SLC2A9: variants seen among roughly 807,000 people sequenced by gnomAD.
The protein encoded by SLC2A9 is solute carrier family 2, facilitated glucose transporter member 9.
SLC2A9 carries 39 observed loss-of-function variants against 50.6 expected under a neutral mutation model. The ratio of observed to expected loss-of-function variants is 0.77; its 90% confidence interval spans 0.60 to 1.01. SLC2A9 has a LOEUF of 1.01. Among genes scored for constraint, SLC2A9 ranks in the 50% least tolerant of loss-of-function variants. The pLI is 0.00. For synonymous variants in SLC2A9, 324 were observed against 276.9 expected, an observed-to-expected ratio of 1.17 and a Z score of -1.69; for missense variants, 686 against 677.6, an observed-to-expected ratio of 1.01 and a Z score of -0.14.
intron 10 of SLC2A9, among the ~76,000 whole-genome samples, chr4:9,867,460 G>A (rs973672333): frequency 6.6e-6 from 1 of 152,156 alleles, no homozygotes; most frequent in Non-Finnish European, 1.5e-5. Flanking sequence ...TCCATGCTTG[G>A]CCCATAATAA....
chr4:9,805,010 T>C (rs1175704221), intron 3 of SLC2A9, among the ~76,000 whole-genome samples: 1 of 152,166 alleles, frequency 6.6e-6, no homozygotes, highest in Non-Finnish European at 1.5e-5. Flanking sequence ...AGGGGAAATG[T>C]GGCCCCTGAA....
chr4:9,783,038 A>G (rs768720947), intron 3 of SLC2A9: 2 of 1,614,222 alleles, frequency 1.2e-6, no homozygotes, highest in South Asian at 1.1e-5. Context: ...CCCCTGCGTC[A>G]GTGAGACCAC....
chr4:9,913,200 A>G (rs1038600993), intron 7 of SLC2A9, among the ~76,000 whole-genome samples: 3 of 152,234 alleles, frequency 2.0e-5, no homozygotes, highest in Admixed American at 2.0e-4. Context: ...CCTTCAACAA[A>G]ATAATAGCTA....
intron 2 of SLC2A9, among the ~76,000 whole-genome samples, chr4:10,003,840 C>G (rs200934922): frequency 6.6e-6 from 1 of 152,186 alleles, no homozygotes; most frequent in East Asian, 1.9e-4. Context: ...ACAGGTAACC[C>G]ACACATCATA....
chr4:9,773,122 C>A (rs1257906925), intron 1 of SLC2A9, among the ~76,000 whole-genome samples: 1 of 152,182 alleles, frequency 6.6e-6, no homozygotes, highest in Non-Finnish European at 1.5e-5. Context: ...CTGCCAGAAA[C>A]CTCCTTGCTC....
chr4:10,030,286 A>C (rs1286767322), intron 1 of SLC2A9, among the ~76,000 whole-genome samples: 1 of 152,224 alleles, frequency 6.6e-6, no homozygotes, highest in Non-Finnish European at 1.5e-5. Context: ...TCTATGTTGC[A>C]TCTATATACC....
chr4:9,856,730 T>C (rs551363148), intron 10 of SLC2A9, among the ~76,000 whole-genome samples: 2 of 152,304 alleles, frequency 1.3e-5, no homozygotes, highest in African/African-American at 4.8e-5. Context: ...CCATTAACAG[T>C]AGACTGGATA....
chr4:9,837,132 C>T (rs191475275), intron 10 of SLC2A9, among the ~76,000 whole-genome samples: 84 of 152,314 alleles, frequency 5.5e-4, no homozygotes, highest in Non-Finnish European at 9.8e-4. Context: ...TGATCAGGCA[C>T]TATCTCCATT....
At chr4:10,022,483 C>T (rs1238099254), upstream of SLC2A9, among the ~76,000 whole-genome samples, 1 of 152,234 alleles carries the variant, frequency 6.6e-6, no homozygotes, top group African/African-American at 2.4e-5. Flanking sequence ...GCCTCATGCA[C>T]ACCAGGAGGT....
chr4:10,033,356 T>C (rs901467080), intron 1 of SLC2A9, among the ~76,000 whole-genome samples: 6 of 152,174 alleles, frequency 3.9e-5, no homozygotes, highest in African/African-American at 1.2e-4. Flanking sequence ...CTGACTCAGA[T>C]GGCTTCCCGG....
exon 2 of SLC2A9, chr4:9,771,315 C>A (rs1338290790): frequency 1.3e-5 from 5 of 389,984 alleles, no homozygotes; most frequent in Non-Finnish European, 2.3e-5. Flanking sequence ...CACCTGGTGA[C>A]TCAGGTATCC....
At chr4:10,025,979 A>C, upstream of SLC2A9, 1 of 1,613,742 alleles carries the variant, frequency 6.2e-7, no homozygotes, top group Non-Finnish European at 8.5e-7. Flanking sequence ...TTCACTTTTC[A>C]GGTTTTGAAC....
intron 6 of SLC2A9, among the ~76,000 whole-genome samples, chr4:9,938,090 G>A (rs910077884): frequency 4.6e-5 from 7 of 152,086 alleles, no homozygotes; most frequent in Admixed American, 2.0e-4. Flanking sequence ...TTAAATAAGT[G>A]AATTAAATTG....
chr4:9,785,565 T>G (rs545323836), intron 3 of SLC2A9, among the ~76,000 whole-genome samples: 1 of 152,392 alleles, frequency 6.6e-6, no homozygotes, highest in East Asian at 1.9e-4. Flanking sequence ...CAAAATCTTT[T>G]GTGAAAAACA....
At chr4:9,771,516 G>T in intron 1 of SLC2A9, 1 of 398,776 alleles carries the variant, frequency 2.5e-6, no homozygotes, top group Non-Finnish European at 4.4e-6. Context: ...CATAGAGAGT[G>T]CACAGATAGC....
chr4:9,867,729 G>C (rs774186611), intron 10 of SLC2A9, among the ~76,000 whole-genome samples: 1 of 152,212 alleles, frequency 6.6e-6, no homozygotes, highest in Non-Finnish European at 1.5e-5. Context: ...ATGGAGGTCT[G>C]ACTGCCTGAC....
downstream of SLC2A9, among the ~76,000 whole-genome samples, chr4:9,825,682 A>G (rs1725026865): frequency 6.6e-6 from 1 of 152,168 alleles, no homozygotes; most frequent in Non-Finnish European, 1.5e-5. Flanking sequence ...GTTCTCTGTG[A>G]GCACACAGGA....
chr4:9,848,961 C>T (rs1000253515), intron 10 of SLC2A9, among the ~76,000 whole-genome samples: 5 of 152,194 alleles, frequency 3.3e-5, no homozygotes, highest in African/African-American at 9.6e-5. Context: ...CTCGGCCTCC[C>T]GAAGTGCTGG....
chr4:9,852,707 A>T (rs2109326822), intron 10 of SLC2A9, among the ~76,000 whole-genome samples: 1 of 152,362 alleles, frequency 6.6e-6, no homozygotes, highest in South Asian at 2.1e-4. Flanking sequence ...TCCTGAAGGG[A>T]GTGCTAAATT....
Sources: allele counts gnomAD v4.1 joint callset (sites outside exome capture counted in the v4.1 genomes callset), GRCh38; gene constraint gnomAD v4.1.1; transcripts MANE v1.5; gene names NCBI Gene and HGNC (gene_info 2026-07-23, HGNC 2026-07-21).